Variants in SORCS1 observed in about 807,000 individuals in gnomAD.
The protein encoded by SORCS1 is sortilin related VPS10 domain containing receptor 1, also known as VPS10 domain-containing receptor SorCS1.
SORCS1 carries 60 observed loss-of-function variants against 146.1 expected under a neutral mutation model. That is an observed-to-expected ratio of 0.41 (90% CI 0.33 to 0.51). The LOEUF (loss-of-function observed/expected upper bound fraction) is 0.51, where lower values mean the gene tolerates loss of function less well. Ranked by LOEUF, SORCS1 falls within the 20% of genes least tolerant of loss-of-function variation. The pLI, the probability that SORCS1 is intolerant of heterozygous loss-of-function variation, is 0.21. For missense variants in SORCS1, 1,352 were observed against 1,487.6 expected (o/e 0.91, Z 1.50); for synonymous variants, 637 against 584.0 (o/e 1.09, Z -1.31).
intron 1 of SORCS1, among the ~76,000 whole-genome samples, chr10:107,143,799 C>T (rs1468226635): frequency 3.9e-5 from 6 of 151,930 alleles, no homozygotes; most frequent in Admixed American, 6.6e-5. Context: ...CCACCACGCC[C>T]GGCCTAATTT....
intron 6 of SORCS1, among the ~76,000 whole-genome samples, chr10:106,727,415 G>A (rs961526545): frequency 3.3e-5 from 5 of 152,148 alleles, no homozygotes; most frequent in African/African-American, 1.2e-4. Context: ...ATTCACAGTT[G>A]TGTTCACAGT....
rs147442071 is a variant in SORCS1 at position 107,013,446 on chromosome 10, G to C, written c.559-56866C>G. Among the ~76,000 whole-genome samples the C allele has an allele frequency of 6.4e-4, 97 of 152,180 alleles. 1 individual carries two copies. The highest frequency in any genetic ancestry group is 2.1e-3 in the African/African-American group (87 of 41,530). ...CTGGGTTAACCTGGAGTCACACACAGATAGCCAGCAGGAGACTCACTTTTT... is the reference window on the plus strand; with the variant it reads ...CTGGGTTAACCTGGAGTCACACACACATAGCCAGCAGGAGACTCACTTTTT... On this transcript the variant is annotated intron_variant, in intron 1 of 25. Coordinates refer to ENST00000263054, the MANE Select transcript of SORCS1 (RefSeq NM_052918.5).
intron 5 of SORCS1, among the ~76,000 whole-genome samples, chr10:106,746,276 T>A (rs2136143593): frequency 6.6e-6 from 1 of 152,366 alleles, no homozygotes. Context: ...ATGTAAGATG[T>A]TAACATTAGG....
At chr10:107,139,092 G>A (rs1168346524) in intron 1 of SORCS1, among the ~76,000 whole-genome samples, 1 of 152,138 alleles carries the variant, frequency 6.6e-6, no homozygotes, top group African/African-American at 2.4e-5. Context: ...TGATGTGCTT[G>A]TTTACAGATT....
At chr10:106,623,301 G>A (rs1417573910) in intron 19 of SORCS1, among the ~76,000 whole-genome samples, 2 of 150,032 alleles carry the variant, frequency 1.3e-5, no homozygotes, top group East Asian at 2.0e-4. Flanking sequence ...GGAGTGCAGC[G>A]GCACGATCTC....
intron 1 of SORCS1, among the ~76,000 whole-genome samples, chr10:107,069,719 G>A (rs1030446526): frequency 6.6e-6 from 1 of 152,154 alleles, no homozygotes; most frequent in South Asian, 2.1e-4. Flanking sequence ...AGATAAATTC[G>A]TTTTTGTTTG....
intron 22 of SORCS1, among the ~76,000 whole-genome samples, chr10:106,611,077 C>G (rs1168384034): frequency 1.3e-5 from 2 of 151,360 alleles, no homozygotes; most frequent in African/African-American, 4.9e-5. Context: ...GAGACTATAT[C>G]TCATAAAAGA....
At chr10:106,726,451 C>A (rs1305840014) in intron 6 of SORCS1, among the ~76,000 whole-genome samples, 1 of 141,258 alleles carries the variant, frequency 7.1e-6, no homozygotes, top group Non-Finnish European at 1.5e-5. Flanking sequence ...CCTGAGATGA[C>A]AGTTTGGCAT....
At chr10:106,794,745 C>G (rs371603712) in intron 3 of SORCS1, among the ~76,000 whole-genome samples, 1 of 152,046 alleles carries the variant, frequency 6.6e-6, no homozygotes, top group Admixed American at 6.5e-5. Flanking sequence ...CCTCATGATC[C>G]GCCCACCTCG....
intron 2 of SORCS1, among the ~76,000 whole-genome samples, chr10:106,922,579 G>A (rs935925985): frequency 6.6e-6 from 1 of 152,160 alleles, no homozygotes; most frequent in African/African-American, 2.4e-5. Context: ...TGAAAGTACA[G>A]AGAGTTCCCA....
intron 4 of SORCS1, among the ~76,000 whole-genome samples, chr10:106,773,807 G>A (rs1224270916): frequency 6.6e-6 from 1 of 152,126 alleles, no homozygotes; most frequent in Non-Finnish European, 1.5e-5. Context: ...AAATTAGCCA[G>A]GCGTGGTGGC....
intron 24 of SORCS1, among the ~76,000 whole-genome samples, chr10:106,596,422 T>C (rs960539772): frequency 6.6e-6 from 1 of 152,258 alleles, no homozygotes; most frequent in Admixed American, 6.5e-5. Context: ...TGTCTGTTTC[T>C]AAGTGCTTGT....
At chr10:107,031,320 T>TA (rs911353348) in intron 1 of SORCS1, among the ~76,000 whole-genome samples, 4 of 121,864 alleles carry the variant, frequency 3.3e-5, no homozygotes, top group African/African-American at 2.7e-4. Context: ...CCTTGCCAGA[T>TA]TTTTTTTTCC....
chr10:106,794,022 CT>C (rs1215292634), intron 3 of SORCS1, among the ~76,000 whole-genome samples: 1 of 152,132 alleles, frequency 6.6e-6, no homozygotes, highest in Non-Finnish European at 1.5e-5. Flanking sequence ...AGTGGCAGAC[CT>C]TTTTTCTTTG....
intron 6 of SORCS1, among the ~76,000 whole-genome samples, chr10:106,710,515 T>G (rs1346742470): frequency 1.3e-5 from 2 of 151,898 alleles, no homozygotes. Context: ...TTGAATCAGT[T>G]GAGACCCTGG....
At chr10:106,690,673 A>T (rs1853229913) in intron 9 of SORCS1, among the ~76,000 whole-genome samples, 1 of 152,200 alleles carries the variant, frequency 6.6e-6, no homozygotes, top group Non-Finnish European at 1.5e-5. Flanking sequence ...TCGACAGGGG[A>T]TAGAGCTGGA....
chr10:106,621,857 A>T (rs1847768655), intron 19 of SORCS1, among the ~76,000 whole-genome samples: 1 of 152,164 alleles, frequency 6.6e-6, no homozygotes, highest in Non-Finnish European at 1.5e-5. Flanking sequence ...TACTCTAAGC[A>T]CGTTCTCACT....
At chr10:106,705,438 T>C (rs1407547077) in intron 8 of SORCS1, among the ~76,000 whole-genome samples, 1 of 152,166 alleles carries the variant, frequency 6.6e-6, no homozygotes, top group African/African-American at 2.4e-5. Context: ...TTGTGTTATG[T>C]CTATTATATG....
chr10:106,725,630 A>G (rs1042191410), intron 6 of SORCS1, among the ~76,000 whole-genome samples: 4 of 152,004 alleles, frequency 2.6e-5, no homozygotes, highest in Non-Finnish European at 5.9e-5. Context: ...AGAGGATCTC[A>G]ATTAGGAAAT....
Sources: gnomAD v4.1 joint callset for allele counts (sites outside exome capture counted in the v4.1 genomes callset) on GRCh38, gnomAD v4.1.1 for gene constraint, MANE v1.5 for transcripts, NCBI Gene and HGNC (gene_info 2026-07-23, HGNC 2026-07-21) for gene names.